RMDN2: variants seen among roughly 807,000 people sequenced by gnomAD.
RMDN2 encodes regulator of microtubule dynamics 2.
In RMDN2, 61 loss-of-function variants were observed where a neutral mutation model predicts 52.8. The ratio of observed to expected loss-of-function variants is 1.16; its 90% CI spans 0.94 to 1.43. The LOEUF is 1.43. RMDN2 is among the 40% of genes most tolerant of loss of function. The probability of loss-of-function intolerance (pLI) is 0.00; values close to 1 mark genes in which losing one functional copy is unlikely to be tolerated. For missense variants in RMDN2, 592 were observed against 475.3 expected (o/e 1.25, Z -2.28); for synonymous variants, 180 against 153.1 (o/e 1.18, Z -1.30).
intron 8 of RMDN2, among the ~76,000 whole-genome samples, chr2:38,003,546 T>TAGATA (rs374190382): frequency 1.5e-5 from 2 of 132,378 alleles, no homozygotes; most frequent in Admixed American, 7.7e-5. Flanking sequence ...AAGCAAGACC[T>TAGATA]GATAGATAGA....
At chr2:37,992,167 T>C (rs1208718781) in intron 7 of RMDN2, among the ~76,000 whole-genome samples, 1 of 152,258 alleles carries the variant, frequency 6.6e-6, no homozygotes, top group African/African-American at 2.4e-5. Flanking sequence ...ATTAAAAATC[T>C]GAGTCTTCAT....
At chr2:38,042,681 A>G (rs1362522848) in intron 10 of RMDN2, among the ~76,000 whole-genome samples, 1 of 152,170 alleles carries the variant, frequency 6.6e-6, no homozygotes, top group Admixed American at 6.5e-5. Context: ...TGCATCCCAC[A>G]AGTTTTGATT....
intron 5 of RMDN2, among the ~76,000 whole-genome samples, chr2:37,983,083 CTTCTCTTCT>C (rs571820419): frequency 4.1e-4 from 63 of 152,188 alleles, no homozygotes; most frequent in African/African-American, 1.3e-3. Context: ...CCTCCTCTTC[CTTCTCTTCT>C]TTCTCTCCCT....
intron 2 of RMDN2, among the ~76,000 whole-genome samples, chr2:37,936,426 G>T (rs980656041): frequency 1.2e-4 from 18 of 152,160 alleles, no homozygotes; most frequent in African/African-American, 4.3e-4. Context: ...GGATTGCTGG[G>T]TCAAATGGTA....
chr2:37,926,898 T>C (rs1299650462), intron 1 of RMDN2, among the ~76,000 whole-genome samples: 2 of 151,864 alleles, frequency 1.3e-5, no homozygotes, highest in South Asian at 2.1e-4. Context: ...ATTGTACCAC[T>C]GCACTCCAGC....
chr2:37,951,853 C>G (rs777057841), intron 2 of RMDN2: 1 of 1,613,608 alleles, frequency 6.2e-7, no homozygotes, highest in Non-Finnish European at 8.5e-7. Context: ...CAAAGCACAT[C>G]ATCCTTCTTT....
In RMDN2 at chr2:37,952,491, A is replaced by G. The variant is rs1668959736; in HGVS notation, c.453-21549A>G. ...TCTCAGATTTCTGAGTGACTATTAT[A>G]ATACTTTTGTGGTCTGAAAATAACA... On this transcript the variant is annotated intron_variant, in intron 2 of 10. Coordinates refer to ENST00000354545, the MANE Select transcript of RMDN2 (RefSeq NM_001170791.3). 3 of 463,304 alleles carry G rather than the reference A, an allele frequency of 6.5e-6. No homozygotes were observed. The Admixed American group carries it at 1.1e-4, about 17-fold the overall frequency. The allele number at this position is 463,304 out of a possible 1,614,324, so 28.7% of individuals were successfully genotyped here.
chr2:37,977,877 T>C (rs987776524), intron 4 of RMDN2, among the ~76,000 whole-genome samples: 1 of 148,172 alleles, frequency 6.7e-6, no homozygotes, highest in Non-Finnish European at 1.5e-5. Flanking sequence ...TCCCGGACGA[T>C]GGGCGGCCAG....
At chr2:37,978,413 A>T (rs1036759584) in intron 4 of RMDN2, among the ~76,000 whole-genome samples, 5 of 152,204 alleles carry the variant, frequency 3.3e-5, no homozygotes, top group African/African-American at 1.2e-4. Flanking sequence ...AGGTAGGAAT[A>T]GGATAGCAAA....
chr2:37,931,177 T>C (rs1164745958), intron 2 of RMDN2, among the ~76,000 whole-genome samples: 1 of 152,256 alleles, frequency 6.6e-6, no homozygotes, highest in Non-Finnish European at 1.5e-5. Context: ...CATTTGTGGC[T>C]CTGCCCTATT....
rs955558289 is a variant in RMDN2, at chr2:37,967,244, T to TA, written c.453-6790dup. Among the ~76,000 whole-genome samples the TA allele has an allele frequency of 2.7e-4, 41 of 152,328 alleles. No homozygotes were observed. The East Asian group carries it at 7.5e-3, about 28-fold the overall frequency. On this transcript the variant is annotated intron_variant, in intron 2 of 10. Transcript: ENST00000354545. ...TTGGTTCTGTTTATACTATTCTGAC[T>TA]AAAAAATTAAAGTTAAACAAACTTT...
intron 2 of RMDN2, among the ~76,000 whole-genome samples, chr2:37,957,467 C>T (rs910467142): frequency 2.0e-5 from 3 of 152,158 alleles, no homozygotes; most frequent in African/African-American, 7.2e-5. Flanking sequence ...TGTTGATATC[C>T]TTCACCCACT....
At chr2:37,965,001 C>T (rs924741044) in intron 2 of RMDN2, among the ~76,000 whole-genome samples, 13 of 151,988 alleles carry the variant, frequency 8.6e-5, no homozygotes, top group Middle Eastern at 3.2e-3. Flanking sequence ...GTCTCTTGTA[C>T]AATTTTTGAC....
intron 2 of RMDN2, among the ~76,000 whole-genome samples, chr2:37,950,934 ATCTT>A (rs1250210443): frequency 1.3e-5 from 2 of 151,944 alleles, no homozygotes; most frequent in Non-Finnish European, 2.9e-5. Context: ...GTTTCCCCTG[ATCTT>A]TCTTTCTACC....
At chr2:38,042,224 G>A (rs752956194) in intron 10 of RMDN2, among the ~76,000 whole-genome samples, 22 of 152,100 alleles carry the variant, frequency 1.4e-4, no homozygotes, top group Non-Finnish European at 2.6e-4. Context: ...GTTATCAAAT[G>A]TGTAGGCAGA....
chr2:37,962,232 T>C (rs1196797688), intron 2 of RMDN2, among the ~76,000 whole-genome samples: 2 of 152,192 alleles, frequency 1.3e-5, no homozygotes, highest in African/African-American at 2.4e-5. Context: ...GGTGGGAGAT[T>C]TGCTGCTCTC....
chr2:37,941,521 C>T (rs937914388), intron 2 of RMDN2, among the ~76,000 whole-genome samples: 1 of 152,212 alleles, frequency 6.6e-6, no homozygotes, highest in African/African-American at 2.4e-5. Context: ...GTTGCTCTGT[C>T]CCAGGGAAAC....
chr2:38,017,805 G>T (rs949348873), downstream of RMDN2: 2 of 239,330 alleles, frequency 8.4e-6, no homozygotes, highest in African/African-American at 2.4e-5. Context: ...GAGCAACAAG[G>T]CTATTTCATC....
At chr2:38,007,643 T>G (rs1192443469) in intron 10 of RMDN2, among the ~76,000 whole-genome samples, 1 of 152,230 alleles carries the variant, frequency 6.6e-6, no homozygotes, top group Non-Finnish European at 1.5e-5. Context: ...TTGTTGATCT[T>G]TTCAAAAAAT....
Sources: gnomAD v4.1 joint callset for allele counts (sites outside exome capture counted in the v4.1 genomes callset) on GRCh38, gnomAD v4.1.1 for gene constraint, MANE v1.5 for transcripts, NCBI Gene and HGNC (gene_info 2026-07-23, HGNC 2026-07-21) for gene names.